INPP4B: variants seen among roughly 807,000 people sequenced by gnomAD.
INPP4B encodes the protein inositol polyphosphate-4-phosphatase type II B, also known as inositol polyphosphate 4-phosphatase type II.
In INPP4B, 55 loss-of-function variants were observed where a neutral mutation model predicts 122.5. That is an observed-to-expected ratio of 0.45 (90% CI 0.36 to 0.56). The LOEUF is 0.56. INPP4B is among the 20% of genes least tolerant of loss of function. INPP4B has a pLI of 0.00. For synonymous variants in INPP4B, 403 were observed against 388.7 expected (o/e 1.04, Z -0.43); for missense variants, 1,000 against 1,097.7 (o/e 0.91, Z 1.26).
chr4:142,258,958 T>G (rs1271284425), intron 11 of INPP4B, among the ~76,000 whole-genome samples: 19 of 152,080 alleles, frequency 1.2e-4, no homozygotes, highest in Non-Finnish European at 7.3e-5. Flanking sequence ...CCAACCCAAA[T>G]GTCCAACAGT....
At chr4:142,275,322 C>T (rs1747858678) in intron 9 of INPP4B, among the ~76,000 whole-genome samples, 1 of 151,786 alleles carries the variant, frequency 6.6e-6, no homozygotes, top group Non-Finnish European at 1.5e-5. Context: ...TTTGGAAATG[C>T]CACAGAGATA....
At chr4:142,533,369 A>G (rs1827840705) in intron 2 of INPP4B, among the ~76,000 whole-genome samples, 1 of 152,276 alleles carries the variant, frequency 6.6e-6, no homozygotes, top group East Asian at 1.9e-4. Flanking sequence ...TTTGCTTGGT[A>G]TAAAGATTCA....
At chr4:142,313,440 A>G (rs2636670) in intron 8 of INPP4B, among the ~76,000 whole-genome samples, 89,167 of 152,020 alleles carry the variant, frequency 0.59, 26,362 homozygotes, top group Middle Eastern at 0.66. Flanking sequence ...TGATGAGAGT[A>G]TGCATTTAGG....
intron 1 of INPP4B, among the ~76,000 whole-genome samples, chr4:142,727,860 A>G (rs942553648): frequency 1.9e-4 from 29 of 152,222 alleles, no homozygotes; most frequent in African/African-American, 7.0e-4. Flanking sequence ...CTTGGGCAAC[A>G]GAATGAGTCC....
At chr4:142,061,922 ATATATATATATATATAT>A (rs1389910304) in intron 25 of INPP4B, among the ~76,000 whole-genome samples, 12 of 27,074 alleles carry the variant, frequency 4.4e-4, no homozygotes, top group African/African-American at 1.2e-3. Flanking sequence ...ATATATATAT[ATATATATATATATATAT>A]ATCTGTAACT....
chr4:142,463,435 C>T (rs192989587), intron 2 of INPP4B, among the ~76,000 whole-genome samples: 32 of 152,260 alleles, frequency 2.1e-4, no homozygotes, highest in Non-Finnish European at 3.7e-4. Flanking sequence ...TTAATCACAC[C>T]TCCATGTGAC....
intron 2 of INPP4B, among the ~76,000 whole-genome samples, chr4:142,594,232 A>C (rs933515216): frequency 3.3e-5 from 5 of 152,116 alleles, no homozygotes; most frequent in African/African-American, 1.2e-4. Context: ...CCCAGTGTAG[A>C]TCTTTATTCT....
At chr4:142,316,566 A>G (rs756894082) in intron 7 of INPP4B, among the ~76,000 whole-genome samples, 1 of 148,918 alleles carries the variant, frequency 6.7e-6, no homozygotes, top group Non-Finnish European at 1.5e-5. Context: ...TATAATGCAC[A>G]TATGTGTACT....
chr4:142,365,564 C>T (rs1787137382), intron 7 of INPP4B, among the ~76,000 whole-genome samples: 1 of 152,126 alleles, frequency 6.6e-6, no homozygotes, highest in Admixed American at 6.6e-5. Flanking sequence ...GAGGTTTACA[C>T]TTGACACTAC....
intron 3 of INPP4B, among the ~76,000 whole-genome samples, chr4:142,460,994 C>T (rs973017631): frequency 6.6e-6 from 1 of 152,000 alleles, no homozygotes; most frequent in Non-Finnish European, 1.5e-5. Flanking sequence ...GCCTAGGAAA[C>T]ATGCTGAAAC....
At chr4:142,136,844 G>A (rs1000100326) in intron 18 of INPP4B, among the ~76,000 whole-genome samples, 3 of 152,036 alleles carry the variant, frequency 2.0e-5, no homozygotes, top group Admixed American at 2.0e-4. Flanking sequence ...CCTAAAGGCA[G>A]GTAAATCTAT....
intron 23 of INPP4B, among the ~76,000 whole-genome samples, chr4:142,090,469 C>A (rs900303531): frequency 1.3e-5 from 2 of 151,630 alleles, no homozygotes; most frequent in African/African-American, 4.8e-5. Flanking sequence ...AAAGCAGTAT[C>A]ATTAATAATA....
chr4:142,450,981 C>A (rs1225784456), intron 3 of INPP4B, among the ~76,000 whole-genome samples: 1 of 149,866 alleles, frequency 6.7e-6, no homozygotes, highest in Non-Finnish European at 1.5e-5. Context: ...TAACTCCCCC[C>A]CCCAAAAAAA....
intron 15 of INPP4B, among the ~76,000 whole-genome samples, chr4:142,176,602 T>C (rs1397334292): frequency 1.3e-5 from 2 of 152,180 alleles, no homozygotes; most frequent in African/African-American, 4.8e-5. Flanking sequence ...TCTTTATTCA[T>C]GCCCTAGTTG....
rs565137171 is a variant in INPP4B, at chr4:142,457,400, T to C, written c.-127+5263A>G. ...ACTTATATGTGATCAGGAATTTCAATATGGAATATTTAATGACCTTTTGAA... is the reference window on the plus strand; with the variant it reads ...ACTTATATGTGATCAGGAATTTCAACATGGAATATTTAATGACCTTTTGAA... On this transcript the variant is annotated intron_variant, in intron 3 of 25. Transcript: ENST00000262992. Among the ~76,000 whole-genome samples, 4 of 152,246 alleles carry C rather than the reference T, an allele frequency of 2.6e-5. No individual in the cohort carries two copies. In the South Asian group the frequency reaches 8.3e-4, roughly 32 times the overall value.
chr4:142,699,070 G>C (rs1761386516), intron 2 of INPP4B, among the ~76,000 whole-genome samples: 1 of 152,170 alleles, frequency 6.6e-6, no homozygotes, highest in Non-Finnish European at 1.5e-5. Context: ...AATGGACAGA[G>C]GTGGTGCATG....
chr4:142,671,785 A>C (rs1330251095), intron 2 of INPP4B, among the ~76,000 whole-genome samples: 1 of 152,192 alleles, frequency 6.6e-6, no homozygotes, highest in Non-Finnish European at 1.5e-5. Context: ...TGTAATTTAC[A>C]TACTGTAAAA....
At chr4:142,655,804 CTAATT>C (rs1016279204) in intron 2 of INPP4B, among the ~76,000 whole-genome samples, 1 of 152,122 alleles carries the variant, frequency 6.6e-6, no homozygotes, top group Non-Finnish European at 1.5e-5. Flanking sequence ...TCCAACTACT[CTAATT>C]TATTTTCTAT....
At chr4:142,665,386 C>T (rs1465718277) in intron 2 of INPP4B, among the ~76,000 whole-genome samples, 1 of 149,138 alleles carries the variant, frequency 6.7e-6, no homozygotes, top group Non-Finnish European at 1.5e-5. Flanking sequence ...CCCAGCTACT[C>T]GGGAGGCTGA....
Sources: gnomAD v4.1 joint callset for allele counts (sites outside exome capture counted in the v4.1 genomes callset) on GRCh38, gnomAD v4.1.1 for gene constraint, MANE v1.5 for transcripts, NCBI Gene and HGNC (gene_info 2026-07-23, HGNC 2026-07-21) for gene names.